The following PLXNB1 variants were observed in gnomAD, a reference collection of about 807,000 sequenced individuals.
PLXNB1 encodes plexin-B1.
A neutral mutation model predicts 209.4 loss-of-function variants in PLXNB1; 106 were observed. The observed-to-expected ratio is 0.51, with a 90% CI of 0.43 to 0.59. The LOEUF is 0.59. PLXNB1 is among the 20% of genes least tolerant of loss of function. The pLI is 0.00. For synonymous variants in PLXNB1, 1,167 were observed against 1,183.2 expected (o/e 0.99, Z 0.28); for missense variants, 2,357 against 2,853.2 (o/e 0.83, Z 3.96).
Position 48,409,262 on chromosome 3 carries a change from A to C in PLXNB1, c.6087+67T>G. ...CTTGAAGTTCTCAGAAAAGCCTGGA[A>C]TCTGAGTGCACACACAGCACTGTCC... On this transcript the variant is annotated intron_variant, in intron 34 of 37. Coordinates refer to ENST00000296440, the MANE Select transcript of PLXNB1 (RefSeq NM_001130082.3). This position sits in a 1 kb window ranked among gnomAD's most constrained non-coding sequence, Gnocchi z 5.8. 6.4e-7 allele frequency: 1 copy of C among 1,566,736 alleles called. No individual in the cohort carries two copies. Among genetic ancestry groups the C allele is most frequent in the Non-Finnish European group, 8.7e-7 (1 of 1,148,498 alleles).
chr3:48,427,666 G>A (rs753463721), intron 1 of PLXNB1, among the ~76,000 whole-genome samples: 3 of 152,194 alleles, frequency 2.0e-5, no homozygotes, highest in Non-Finnish European at 4.4e-5. Flanking sequence ...GTTCCTGCCA[G>A]CCTGAACTGC....
chr3:48,428,144 A>C (rs1180847745), intron 1 of PLXNB1, among the ~76,000 whole-genome samples: 2 of 152,152 alleles, frequency 1.3e-5, no homozygotes, highest in African/African-American at 2.4e-5. Flanking sequence ...TTTCACACCC[A>C]AGAAAACCCA....
Position 48,413,028 on chromosome 3 carries a change from G to C in PLXNB1, c.4636+41C>G, listed in dbSNP as rs757449142. Reference sequence around the variant, plus strand: ...ATCCCGTGTGATGGGAGTGGGTTTGGGCAGAGTTCTGGAGGGCGGGGCCCA... The same window carrying C: ...ATCCCGTGTGATGGGAGTGGGTTTGCGCAGAGTTCTGGAGGGCGGGGCCCA... On this transcript the variant is annotated intron_variant, in intron 24 of 37. Transcript: ENST00000296440. The surrounding 1 kb of genome is among the most constrained non-coding windows in gnomAD (Gnocchi z 5.4). 1.2e-5 allele frequency: 20 copies of C among 1,609,106 alleles called. No homozygotes were observed. Among genetic ancestry groups the C allele is most frequent in the Non-Finnish European group, 8.5e-7 (1 of 1,175,610 alleles).
chr3:48,424,599 C>G lies in PLXNB1; in HGVS notation c.13G>C (p.Gly5Arg), dbSNP rs1434630439. 2 of 1,538,882 alleles carry G rather than the reference C, an allele frequency of 1.3e-6. No individual in the cohort carries two copies. Among genetic ancestry groups the G allele is most frequent in the South Asian group, 2.4e-5 (2 of 84,118 alleles). Residue 5 changes from glycine to arginine, a missense_variant, in exon 3 of 38, where the codon GGC becomes CGC. Transcript: ENST00000296440. The stretch of plus-strand genomic sequence containing the variant: ...CAGAGAGCCTGGAGAAGAGCTGGGC[C>G]CAGAGCAGGCATGGTCACCTGGCAG... MPALGPALLQALWAG... is the reference protein window; with the variant it reads MPALRPALLQALWAG...
Position 48,419,540 on chromosome 3 carries a change from C to T in PLXNB1, c.2709+37G>A. ...CTAGGGGTAGCATCTTCCCCACATC[C>T]CCTCCCCTGAGGCCTCCTTCCTGGG... On this transcript the variant is annotated intron_variant, in intron 11 of 37. Transcript: ENST00000296440. The surrounding 1 kb of genome is among the most constrained non-coding windows in gnomAD (Gnocchi z 5.7). 1 of 1,569,126 alleles carries T rather than the reference C, an allele frequency of 6.4e-7. No homozygotes were observed. Among genetic ancestry groups the T allele is most frequent in the Non-Finnish European group, 8.7e-7 (1 of 1,150,020 alleles).
chr3:48,415,410 G>T lies in PLXNB1; in HGVS notation c.3795-63C>A. 1 of 1,544,172 alleles carries T rather than the reference G, an allele frequency of 6.5e-7. No homozygotes were observed. Among genetic ancestry groups the T allele is most frequent in the Non-Finnish European group, 8.8e-7 (1 of 1,132,984 alleles). On this transcript the variant is annotated intron_variant, in intron 19 of 37. Coordinates refer to ENST00000296440, the MANE Select transcript of PLXNB1 (RefSeq NM_001130082.3). This position sits in a 1 kb window ranked among gnomAD's most constrained non-coding sequence, Gnocchi z 5.0. ...TTATGTTACCTGGACCTAAAGCACA[G>T]CCCAGTCCCGGCTAGGTCAGCTCAG...
At chr3:48,414,287 C>G (rs988688198) in intron 21 of PLXNB1, among the ~76,000 whole-genome samples, 2 of 152,192 alleles carry the variant, frequency 1.3e-5, no homozygotes, top group Non-Finnish European at 2.9e-5. Flanking sequence ...AACGAAAAAT[C>G]TGGAGAACAT....
chr3:48,414,966 C>T lies in PLXNB1; in HGVS notation c.4042G>A (p.Asp1348Asn). 1.9e-6 allele frequency: 3 copies of T among 1,613,852 alleles called. No individual in the cohort carries two copies. Among genetic ancestry groups the T allele is most frequent in the Non-Finnish European group, 2.5e-6 (3 of 1,180,024 alleles). Residue 1348 changes from aspartate to asparagine, a missense_variant, in exon 21 of 38, where the codon GAC becomes AAC. Around this residue, in one of 7 missense-constraint regions of PLXNB1, gnomAD observed 743 missense variants for 896.2 expected, o/e 0.83. Transcript: ENST00000296440. ...ATAAATTCCACCCGGACCCAGGGGT[C>T]CTCAGGCAGGCCTGGGAGGGCAGGT... ...RTPALPGLPE[D>N]PWVRVEFILD...
Position 48,413,376 on chromosome 3 carries a change from T to C in PLXNB1, c.4536-207A>G. The C allele has an allele frequency of 1.6e-6, 1 of 607,850 alleles. No individual in the cohort carries two copies. Among genetic ancestry groups the C allele is most frequent in the South Asian group, 2.0e-5 (1 of 50,594 alleles). 37.7% of individuals were successfully genotyped at this position (607,850 alleles called of 1,614,324 possible). A position where few individuals can be genotyped will look rare whatever the true frequency, so the allele number is the denominator to read the frequency against. ...ATGCCCCGTCTAGCCCAGCACAGTT[T>C]AGCCTAGAGATCAGCCAACCACAAC... On this transcript the variant is annotated intron_variant, in intron 23 of 37. Coordinates refer to ENST00000296440, the MANE Select transcript of PLXNB1 (RefSeq NM_001130082.3). The surrounding 1 kb of genome is among the most constrained non-coding windows in gnomAD (Gnocchi z 5.4).
rs2037789466 is a variant in PLXNB1, at chr3:48,412,883, A to G, written c.4713T>C (p.Tyr1571=). 2 of 1,613,886 alleles carry G rather than the reference A, an allele frequency of 1.2e-6. No individual in the cohort carries two copies. The highest frequency in any genetic ancestry group is 8.5e-7 in the Non-Finnish European group (1 of 1,180,032). ...SGIPFLDYKV[Y]AERIFFPGHR... is the part of the protein sequence containing the mutation. ...GCCCAGGGAAGAAGATCCTCTCCGC[A>G]TACACCTTGTAGTCGAGGAAGGGGA... is the stretch of plus-strand genomic sequence containing the variant. The change falls in exon 25 of 38, where the codon TAT becomes TAC. Residue 1571 remains tyrosine (Y), a synonymous_variant. Coordinates refer to ENST00000296440, the MANE Select transcript of PLXNB1 (RefSeq NM_001130082.3).
At chr3:48,423,476 C>T (rs770114278) in intron 3 of PLXNB1, 29 bp downstream of exon 3, 7 of 1,596,320 alleles carry the variant, frequency 4.4e-6, no homozygotes, top group East Asian at 2.2e-5. Context: ...CTCAGAGAGG[C>T]GGAAAAGTGG....
In PLXNB1 at chr3:48,409,978, C is replaced by T. The variant is rs1203539693; in HGVS notation, c.5705G>A (p.Ser1902Asn). The stretch of plus-strand genomic sequence containing the variant: ...GCGCTCACGCTCCCCGCCCCGAAGG[C>T]TGCCCCTCCGAGGCCTGGGCGGCTC... ...EPEPPRPRRG[S>N]LRGGERERAK... The change falls in exon 32 of 38, where the codon AGC becomes AAC. Residue 1902 changes from serine (S) to asparagine (N), a missense_variant. Around this residue, in one of 7 missense-constraint regions of PLXNB1, gnomAD observed 414 missense variants for 520.5 expected, o/e 0.80. Transcript: ENST00000296440. The surrounding 1 kb of genome is among the most constrained non-coding windows in gnomAD (Gnocchi z 5.8). The T allele has an allele frequency of 3.7e-6, 6 of 1,612,708 alleles. No individual in the cohort carries two copies. The highest frequency in any genetic ancestry group is 2.5e-6 in the Non-Finnish European group (3 of 1,179,614).
chr3:48,424,640 G>A (rs1214851880), intron 2 of PLXNB1, 23 bp from the exon 3 acceptor site: 9 of 1,530,422 alleles, frequency 5.9e-6, no homozygotes, highest in African/African-American at 5.5e-5. Flanking sequence ...GAGGTCGAGA[G>A]AGTGGGGCTC....
chr3:48,413,735 C>A lies in PLXNB1; in HGVS notation c.4470G>T (p.Gln1490His). The A allele has an allele frequency of 6.2e-7, 1 of 1,613,774 alleles. No individual in the cohort carries two copies. The highest frequency in any genetic ancestry group is 1.1e-5 in the South Asian group (1 of 91,088). The change falls in exon 23 of 38, where the codon CAG becomes CAT. Residue 1490 changes from glutamine (Q) to histidine (H), a missense_variant. Gln to His is a conservative substitution (Grantham distance 24). Coordinates refer to ENST00000296440, the MANE Select transcript of PLXNB1 (RefSeq NM_001130082.3). This position sits in a 1 kb window ranked among gnomAD's most constrained non-coding sequence, Gnocchi z 5.4. ...GAGAGGTGCCCACCCCCAAGCCCAC[C>A]TGGGCTGCCACAGGAAAAGCCCCAG... Reference protein sequence around the residue: ...ESPGAFPVAAQVGLGVGTSLL... With the variant: ...ESPGAFPVAAHVGLGVGTSLL...
chr3:48,417,806 GGA>G lies in PLXNB1; in HGVS notation c.3374+103_3374+104del. The G allele has an allele frequency of 1.6e-6, 2 of 1,250,126 alleles. No homozygotes were observed. The highest frequency in any genetic ancestry group is 1.5e-5 in the African/African-American group (1 of 67,152). The allele number at this position is 1,250,126 out of a possible 1,614,324, so 77.4% of individuals were successfully genotyped here. ...CATTGTGGCCAGGATCAAGGAACAG[GGA>G]GAGAGGGGGGCAGATGAGCGGTGGG... On this transcript the variant is annotated intron_variant, in intron 16 of 37. Transcript: ENST00000296440. This position sits in a 1 kb window ranked among gnomAD's most constrained non-coding sequence, Gnocchi z 4.4.
chr3:48,409,834 AC>A lies in PLXNB1; in HGVS notation c.5778+70del. On this transcript the variant is annotated intron_variant, in intron 32 of 37. Transcript: ENST00000296440. This position sits in a 1 kb window ranked among gnomAD's most constrained non-coding sequence, Gnocchi z 5.8. ...ACTGTGCCTGCACGAGCCCCACACC[AC>A]CCCCAAATCCCACGAGTGGCCATGC... The A allele has an allele frequency of 1.3e-6, 2 of 1,573,502 alleles. No homozygotes were observed. Among genetic ancestry groups the A allele is most frequent in the Non-Finnish European group, 8.7e-7 (1 of 1,154,592 alleles).
At chr3:48,422,308 C>T (rs1178252357) in intron 5 of PLXNB1, 23 bp downstream of exon 5, 2 of 1,610,678 alleles carry the variant, frequency 1.2e-6, no homozygotes, top group Non-Finnish European at 1.7e-6. Flanking sequence ...GCAGCCATGC[C>T]CTGGCTTGTG....
In PLXNB1 at chr3:48,416,409, G is replaced by A. The variant is rs372631915; in HGVS notation, c.3417C>T (p.Gly1139=). The A allele has an allele frequency of 6.8e-6, 11 of 1,613,140 alleles. No individual in the cohort carries two copies. The highest frequency in any genetic ancestry group is 2.2e-5 in the East Asian group (1 of 44,872). ...TTCCCGGCACCTCCACCGCTGTGGC[G>A]CCGGCCACCTCCTCCCCACTGGCCC... The part of the protein sequence containing the change: ...ITGASGEEVA[G]ATAVEVPGRG... The change falls in exon 17 of 38, where the codon GGC becomes GGT. Residue 1139 remains glycine (G), a synonymous_variant. Transcript: ENST00000296440. The surrounding 1 kb of genome is among the most constrained non-coding windows in gnomAD (Gnocchi z 4.1).
rs2038425719 is a variant in PLXNB1, at chr3:48,420,340, TAA to T, written c.2029-85_2029-84del. The T allele has an allele frequency of 2.3e-5, 18 of 774,472 alleles. 1 individual carries two copies. In the East Asian group the frequency reaches 4.8e-4, roughly 21 times the overall value. 48.0% of individuals were successfully genotyped at this position (774,472 alleles called of 1,614,324 possible). On this transcript the variant is annotated intron_variant, in intron 10 of 37. Coordinates refer to ENST00000296440, the MANE Select transcript of PLXNB1 (RefSeq NM_001130082.3). ...GGAGGCAGGCAGGCACAGTGTATGT[TAA>T]GAGGAAAGGAGACCAAGGAAAAGAG...
Sources: allele counts gnomAD v4.1 joint callset (sites outside exome capture counted in the v4.1 genomes callset), GRCh38; gene constraint gnomAD v4.1.1; regional missense constraint gnomAD v4.1.1; non-coding constraint Gnocchi (gnomAD v3.1); transcripts MANE v1.5; gene names NCBI Gene and HGNC (gene_info 2026-07-23, HGNC 2026-07-21).